FHL2: variants seen among roughly 807,000 people sequenced by gnomAD.
FHL2 encodes the protein four and a half LIM domains protein 2.
A neutral mutation model predicts 32.7 loss-of-function variants in FHL2; 20 were observed. The observed-to-expected ratio is 0.61, with a 90% confidence interval of 0.43 to 0.89. FHL2 has a LOEUF of 0.89. Ranked by LOEUF, FHL2 falls within the 40% of genes least tolerant of loss-of-function variation. The probability of loss-of-function intolerance (pLI) is 0.00; values close to 1 mark genes in which losing one functional copy is unlikely to be tolerated. For missense variants in FHL2, 311 were observed against 358.6 expected (o/e 0.87, Z 1.07); for synonymous variants, 123 against 128.1 (o/e 0.96, Z 0.27).
intron 1 of FHL2, among the ~76,000 whole-genome samples, chr2:105,426,348 A>G (rs1431462093): frequency 6.6e-6 from 1 of 152,250 alleles, no homozygotes; most frequent in Admixed American, 6.5e-5. Flanking sequence ...AAGTAATTGC[A>G]TCTATGTTAC....
intron 1 of FHL2, among the ~76,000 whole-genome samples, chr2:105,434,018 A>C (rs747759917): frequency 3.7e-4 from 57 of 152,174 alleles, no homozygotes; most frequent in Non-Finnish European, 6.3e-4. Context: ...AAGGAATCCT[A>C]TCACTTTCCA....
intron 5 of FHL2, among the ~76,000 whole-genome samples, chr2:105,366,102 G>C (rs951283754): frequency 6.6e-6 from 1 of 151,600 alleles, no homozygotes; most frequent in African/African-American, 2.4e-5. Context: ...TCAGCTACTT[G>C]GGAGGCTGAG....
intron 1 of FHL2, among the ~76,000 whole-genome samples, chr2:105,397,709 A>G (rs1683235309): frequency 6.6e-6 from 1 of 152,254 alleles, no homozygotes; most frequent in Non-Finnish European, 1.5e-5. Flanking sequence ...AATTCTGTGT[A>G]TTAACTGATG....
intron 1 of FHL2, among the ~76,000 whole-genome samples, chr2:105,414,294 T>C (rs972174342): frequency 1.3e-5 from 2 of 152,128 alleles, no homozygotes; most frequent in African/African-American, 4.8e-5. Flanking sequence ...TTTAGGGTTT[T>C]CATGGAGGCT....
At chr2:105,401,986 AAT>A (rs1173760899), upstream of FHL2, among the ~76,000 whole-genome samples, 1 of 151,088 alleles carries the variant, frequency 6.6e-6, no homozygotes, top group Non-Finnish European at 1.5e-5. Context: ...TCAAAAACTA[AAT>A]ATATATATAC....
intron 2 of FHL2, among the ~76,000 whole-genome samples, chr2:105,395,316 G>A (rs1404070485): frequency 6.6e-6 from 1 of 152,234 alleles, no homozygotes; most frequent in East Asian, 1.9e-4. Flanking sequence ...CATCCTGCAT[G>A]CTATGGCTCT....
chr2:105,401,804 C>CTACA (rs1465018187), upstream of FHL2, among the ~76,000 whole-genome samples: 1 of 151,868 alleles, frequency 6.6e-6, no homozygotes, highest in Non-Finnish European at 1.5e-5. Flanking sequence ...AGGTAGAAAC[C>CTACA]AACCATTTGT....
intron 1 of FHL2, among the ~76,000 whole-genome samples, chr2:105,431,199 G>A (rs4129623): frequency 4.6e-5 from 7 of 151,812 alleles, no homozygotes; most frequent in South Asian, 4.1e-4. Context: ...CAACTTCATC[G>A]TTCAACAGAC....
chr2:105,426,990 C>G (rs1447719397), intron 1 of FHL2, among the ~76,000 whole-genome samples: 2 of 152,196 alleles, frequency 1.3e-5, no homozygotes, highest in South Asian at 2.1e-4. Context: ...TTCGTTGGCT[C>G]TAGCCTAAAG....
chr2:105,422,830 GA>G (rs1684145557), intron 1 of FHL2, among the ~76,000 whole-genome samples: 1 of 152,098 alleles, frequency 6.6e-6, no homozygotes, highest in African/African-American at 2.4e-5. Flanking sequence ...CATTGTACAA[GA>G]TACCAAAATC....
intron 1 of FHL2, among the ~76,000 whole-genome samples, chr2:105,433,052 T>G (rs1422600566): frequency 6.6e-6 from 1 of 152,204 alleles, no homozygotes; most frequent in East Asian, 1.9e-4. Flanking sequence ...CAGGTTACAG[T>G]GCTAGCTCTC....
intron 1 of FHL2, among the ~76,000 whole-genome samples, chr2:105,420,348 C>G (rs1684062697): frequency 6.6e-6 from 1 of 152,152 alleles, no homozygotes; most frequent in Non-Finnish European, 1.5e-5. Flanking sequence ...GCCCAAATGT[C>G]CCCCTAATAT....
intron 1 of FHL2, among the ~76,000 whole-genome samples, chr2:105,412,832 A>G (rs1683835780): frequency 6.6e-6 from 1 of 152,212 alleles, no homozygotes; most frequent in Admixed American, 6.5e-5. Context: ...ACGTGGCAGC[A>G]CAGTGGCTGT....
intron 2 of FHL2, among the ~76,000 whole-genome samples, chr2:105,394,229 A>G (rs968342124): frequency 6.6e-6 from 1 of 152,118 alleles, no homozygotes; most frequent in African/African-American, 2.4e-5. Flanking sequence ...TTCTGATAAA[A>G]CGGAGAGGGC....
In FHL2 at chr2:105,433,863, G is replaced by T. The variant is rs199707693; in HGVS notation, c.-25+4536C>A. Among the ~76,000 whole-genome samples, 3 of 151,918 alleles carry T rather than the reference G, an allele frequency of 2.0e-5. No individual in the cohort carries two copies. The East Asian group carries it at 5.8e-4, about 29-fold the overall frequency. ...TTTTCTTTTTTCCCCTTTTACTTTG[G>T]GGAGTCAAGAGACTTTCTTATTTCA... On this transcript the variant is annotated intron_variant, in intron 1 of 5. Transcript: ENST00000393352.
At chr2:105,418,288 G>T (rs1486033795) in intron 1 of FHL2, among the ~76,000 whole-genome samples, 2 of 152,104 alleles carry the variant, frequency 1.3e-5, no homozygotes, top group East Asian at 3.9e-4. Context: ...TGGGCCTTCT[G>T]GTTTGAAAGA....
At chr2:105,425,839 A>G (rs965113027) in intron 1 of FHL2, among the ~76,000 whole-genome samples, 3 of 152,058 alleles carry the variant, frequency 2.0e-5, no homozygotes, top group Admixed American at 6.5e-5. Flanking sequence ...CTCTCCTACT[A>G]CATTCCTTTT....
intron 1 of FHL2, among the ~76,000 whole-genome samples, chr2:105,420,352 CT>C (rs1184795242): frequency 1.3e-5 from 2 of 152,146 alleles, no homozygotes; most frequent in Non-Finnish European, 2.9e-5. Context: ...AAATGTCCCC[CT>C]AATATCCCCT....
chr2:105,379,926 T>C (rs1183509449), intron 3 of FHL2, among the ~76,000 whole-genome samples: 2 of 152,208 alleles, frequency 1.3e-5, no homozygotes, highest in African/African-American at 4.8e-5. Flanking sequence ...CCAAATCCTA[T>C]TTGGAAACTC....
Sources: gnomAD v4.1 joint callset for allele counts (sites outside exome capture counted in the v4.1 genomes callset) on GRCh38, gnomAD v4.1.1 for gene constraint, MANE v1.5 for transcripts, NCBI Gene and HGNC (gene_info 2026-07-23, HGNC 2026-07-21) for gene names.